The following NOTCH2NLR variants were observed in gnomAD, a reference collection of about 807,000 sequenced individuals.
NOTCH2NLR encodes the protein notch 2 N-terminal like R (pseudogene).
Under a neutral mutation model 35.6 loss-of-function variants are expected in NOTCH2NLR, and 33 were observed. The ratio of observed to expected loss-of-function variants is 0.93; its 90% CI spans 0.70 to 1.24. NOTCH2NLR has a LOEUF of 1.24. Ranked by LOEUF, NOTCH2NLR falls within the 50% of genes most tolerant of loss-of-function variation. The pLI, the probability that NOTCH2NLR is intolerant of heterozygous loss-of-function variation, is 0.00. For synonymous variants in NOTCH2NLR, 103 were observed against 141.0 expected (o/e 0.73, Z 1.91); for missense variants, 276 against 362.2 (o/e 0.76, Z 1.93).
At position 120,781,730 on chromosome 1, in the gene NOTCH2NLR, A is replaced by G. The variant is rs1651363611; in HGVS notation, c.156-3244A>G. On this transcript the variant is annotated intron_variant, in intron 2 of 4. Coordinates refer to ENST00000624419, the Ensembl canonical transcript of NOTCH2NLR. Reference sequence around the variant, plus strand: ...AGGCGCCTGCCACCACGCCTGGCTAATTTTTTATATTTTTAGTAGAGACAG... The same window carrying G: ...AGGCGCCTGCCACCACGCCTGGCTAGTTTTTTATATTTTTAGTAGAGACAG... Among the ~76,000 whole-genome samples, 2 of 107,056 alleles carry G rather than the reference A, an allele frequency of 1.9e-5. 1 individual carries two copies. Among genetic ancestry groups the G allele is most frequent in the South Asian group, 5.5e-4 (2 of 3,640 alleles). The allele number at this position is 107,056 out of a possible 152,430, so 70.2% of individuals were successfully genotyped here. A position where few individuals can be genotyped will look rare whatever the true frequency, so the allele number is the denominator to read the frequency against.
At chr1:120,768,656 G>A (rs1319839452) in intron 2 of NOTCH2NLR, among the ~76,000 whole-genome samples, 73,632 of 100,372 alleles carry the variant, frequency 0.73, 31,309 homozygotes, top group Non-Finnish European at 0.77. Context: ...AGTTTGCTTC[G>A]CTTTTTCTGA....
chr1:120,745,845 G>C (rs1353682413), intron 1 of NOTCH2NLR, among the ~76,000 whole-genome samples: 1 of 81,496 alleles, frequency 1.2e-5, no homozygotes, highest in Non-Finnish European at 2.2e-5. Flanking sequence ...ACAAGGTAAA[G>C]TAATTTTTCA....
Position 120,739,901 on chromosome 1 carries a change from C to G in NOTCH2NLR, c.73+15651C>G, listed in dbSNP as rs1171501029. On this transcript the variant is annotated intron_variant, in intron 1 of 4. Coordinates refer to ENST00000624419, the Ensembl canonical transcript of NOTCH2NLR. ...GTTTCTTTTAATGACTCCCTTTAGG[C>G]TCTGCTTCATGGCCAACACAAGATT... Among the ~76,000 whole-genome samples the G allele has an allele frequency of 2.4e-4, 7 of 29,478 alleles. 3 individuals carry two copies. The highest frequency in any genetic ancestry group is 4.2e-4 in the Non-Finnish European group (7 of 16,856). The allele number at this position is 29,478 out of a possible 152,430, so 19.3% of individuals were successfully genotyped here. A position where few individuals can be genotyped will look rare whatever the true frequency, so the allele number is the denominator to read the frequency against.
At position 120,785,239 on chromosome 1, in the gene NOTCH2NLR, T is replaced by C. The variant is rs1651412728; in HGVS notation, c.415+6T>C. On this transcript the variant is annotated splice_donor_region_variant and intron_variant, in intron 3 of 4. Coordinates refer to ENST00000624419, the Ensembl canonical transcript of NOTCH2NLR. ...CTGTCAAGTCGGGTTTACAGGTAAC[T>C]AATGAGACCAAAGCCAGTGCTTCCC... The C allele has an allele frequency of 1.4e-6, 2 of 1,444,348 alleles. 1 individual carries two copies. The allele number at this position is 1,444,348 out of a possible 1,614,324, so 89.5% of individuals were successfully genotyped here.
At position 120,775,623 on chromosome 1, in the gene NOTCH2NLR, T is replaced by A. The variant is rs1168146290; in HGVS notation, c.156-9351T>A. ...AAGAAGGCTCCAACACTTTTCTTTC[T>A]AGAGATCTTCTTTAATTTTCAATGG... On this transcript the variant is annotated intron_variant, in intron 2 of 4. Coordinates refer to ENST00000624419, the Ensembl canonical transcript of NOTCH2NLR. Among the ~76,000 whole-genome samples, 566 of 88,008 alleles carry A rather than the reference T, an allele frequency of 6.4e-3. 116 individuals carry two copies. The highest frequency in any genetic ancestry group is 9.6e-3 in the Middle Eastern group (2 of 208). 57.7% of individuals were successfully genotyped at this position (88,008 alleles called of 152,430 possible).
intron 2 of NOTCH2NLR, among the ~76,000 whole-genome samples, chr1:120,780,026 A>G (rs1165478688): frequency 7.6e-6 from 1 of 131,362 alleles, no homozygotes; most frequent in Admixed American, 7.5e-5. Context: ...CTGTTATTCT[A>G]CCAGGCAGAT....
At chr1:120,790,456 C>T (rs1313916090) in intron 3 of NOTCH2NLR, among the ~76,000 whole-genome samples, 85,235 of 114,566 alleles carry the variant, frequency 0.74, 37,171 homozygotes, top group Non-Finnish European at 0.77. Context: ...GATGAAGAAG[C>T]AGAGGCAGCA....
rs1189272610 is a variant in NOTCH2NLR, at chr1:120,790,535, CCTTTCTTTCTTTCTTTCTTTCTTTCTTT to C, written c.416-2595_416-2568del. On this transcript the variant is annotated intron_variant, in intron 3 of 4. Coordinates refer to ENST00000624419, the Ensembl canonical transcript of NOTCH2NLR. ...TTGATTCTTTCTTTCTTTCTCCCTC[CCTTTCTTTCTTTCTTTCTTTCTTTCTTT>C]CTTTCTTTCTTTCTTTCTTTCTTTC... Among the ~76,000 whole-genome samples, 9 of 76,630 alleles carry C rather than the reference CCTTTCTTTCTTTCTTTCTTTCTTTCTTT, an allele frequency of 1.2e-4. 2 individuals carry two copies. The highest frequency in any genetic ancestry group is 4.0e-4 in the Admixed American group (3 of 7,460). 50.3% of individuals were successfully genotyped at this position (76,630 alleles called of 152,430 possible). A position where few individuals can be genotyped will look rare whatever the true frequency, so the allele number is the denominator to read the frequency against.
chr1:120,734,469 TC>T (rs1650894437), intron 1 of NOTCH2NLR, among the ~76,000 whole-genome samples: 1 of 71,476 alleles, frequency 1.4e-5, no homozygotes, highest in Non-Finnish European at 2.6e-5. Context: ...CAAATTTATG[TC>T]CACTGGTCTT....
Position 120,724,059 on chromosome 1 carries a change from TGAAGCA to T in NOTCH2NLR, c.-117_-112del, listed in dbSNP as rs1650784562. On this transcript the variant is annotated 5_prime_UTR_variant, in exon 1 of 5. Transcript: ENST00000624419. ...AGCGTAGCGCCAGGGCCTGAGCCTT[TGAAGCA>T]GGAGGAGGGGAGGAGAGAGTGGGGC... The T allele has an allele frequency of 2.3e-6, 3 of 1,283,972 alleles. 1 individual carries two copies. The highest frequency in any genetic ancestry group is 9.9e-7 in the Non-Finnish European group (1 of 1,010,612). The allele number at this position is 1,283,972 out of a possible 1,614,324, so 79.5% of individuals were successfully genotyped here.
At chr1:120,770,489 G>T (rs1337256097) in intron 2 of NOTCH2NLR, among the ~76,000 whole-genome samples, 1 of 114,360 alleles carries the variant, frequency 8.7e-6, no homozygotes, top group Non-Finnish European at 1.7e-5. Flanking sequence ...GTTTTTTTAT[G>T]CCAGATAGAC....
rs1361351086 is a variant in NOTCH2NLR, at chr1:120,777,676, AG to A, written c.156-7291del. ...TTTTCTTTCTTTTTTTTTTGAGAGA[AG>A]GGGGGGTTGAGAGTAGAGTGGGAAT... On this transcript the variant is annotated intron_variant, in intron 2 of 4. Coordinates refer to ENST00000624419, the Ensembl canonical transcript of NOTCH2NLR. Among the ~76,000 whole-genome samples the A allele has an allele frequency of 1.3e-3, 89 of 67,234 alleles. 25 individuals are homozygous for A. Among genetic ancestry groups the A allele is most frequent in the African/African-American group, 0.01 (83 of 8,098 alleles). The allele number at this position is 67,234 out of a possible 152,430, so 44.1% of individuals were successfully genotyped here. A position where few individuals can be genotyped will look rare whatever the true frequency, so the allele number is the denominator to read the frequency against.
At chr1:120,759,688 T>C (rs1190090296) in intron 1 of NOTCH2NLR, among the ~76,000 whole-genome samples, 4 of 110,382 alleles carry the variant, frequency 3.6e-5, no homozygotes, top group Non-Finnish European at 6.8e-5. Context: ...GTCTCAAGAT[T>C]ATTTTTCTTT....
rs1650790368 is a variant in NOTCH2NLR, at chr1:120,724,317, C to T, written c.73+67C>T. 26 of 1,362,252 alleles carry T rather than the reference C, an allele frequency of 1.9e-5. 6 individuals are homozygous for T. The highest frequency in any genetic ancestry group is 1.5e-4 in the East Asian group (6 of 38,786). The allele number at this position is 1,362,252 out of a possible 1,614,324, so 84.4% of individuals were successfully genotyped here. ...CTGCCACCTGGGGCGACCCTTCTCC[C>T]CCTCAGTCCTTCTCTGTGTGGGAAG... On this transcript the variant is annotated intron_variant, in intron 1 of 4. Coordinates refer to ENST00000624419, the Ensembl canonical transcript of NOTCH2NLR.
chr1:120,784,567 G>A (rs1651400695), intron 2 of NOTCH2NLR, among the ~76,000 whole-genome samples: 1 of 117,212 alleles, frequency 8.5e-6, no homozygotes, highest in Admixed American at 8.1e-5. Flanking sequence ...TGTCAGTGAA[G>A]GTCTTCTCTG....
At chr1:120,729,001 T>A (rs1650846472) in intron 1 of NOTCH2NLR, among the ~76,000 whole-genome samples, 2 of 116,638 alleles carry the variant, frequency 1.7e-5, no homozygotes, top group Non-Finnish European at 3.3e-5. Flanking sequence ...TTGTCTGGCA[T>A]GTGCCCCAAA....
exon 3 of NOTCH2NLR, chr1:120,785,032 C>A: frequency 6.9e-7 from 1 of 1,438,850 alleles, no homozygotes; most frequent in Non-Finnish European, 9.3e-7. Flanking sequence ...TGAGAAGAAC[C>A]GCTGCCAGAA....
chr1:120,793,198 T>C, exon 4 of NOTCH2NLR: 2 of 1,442,010 alleles, frequency 1.4e-6, no homozygotes, highest in East Asian at 2.3e-5. Context: ...GCCTGTCTCA[T>C]CTCTGTGCAA....
In NOTCH2NLR at chr1:120,768,549, G is replaced by A. The variant is rs1226515762; in HGVS notation, c.155+4840G>A. Among the ~76,000 whole-genome samples the A allele has an allele frequency of 6.8e-4, 74 of 108,490 alleles. 4 individuals carry two copies. The South Asian group carries it at 0.016, about 24-fold the overall frequency. The allele number at this position is 108,490 out of a possible 152,430, so 71.2% of individuals were successfully genotyped here. A position where few individuals can be genotyped will look rare whatever the true frequency, so the allele number is the denominator to read the frequency against. ...GACTCCTCAGTATCACAGGACTTCC[G>A]TTTTCTGCTTGCACACTCTTCCTCT... On this transcript the variant is annotated intron_variant, in intron 2 of 4. Transcript: ENST00000624419.
Sources: gnomAD v4.1 joint callset for allele counts (sites outside exome capture counted in the v4.1 genomes callset) on GRCh38, gnomAD v4.1.1 for gene constraint, MANE v1.5 for transcripts, NCBI Gene and HGNC (gene_info 2026-07-23, HGNC 2026-07-21) for gene names.